Variants in SPAG16 observed in about 807,000 individuals in gnomAD.
The protein encoded by SPAG16 is sperm associated antigen 16.
Under a neutral mutation model 80.4 loss-of-function variants are expected in SPAG16, and 86 were observed. The observed-to-expected ratio is 1.07, with a 90% confidence interval of 0.90 to 1.28. The LOEUF (loss-of-function observed/expected upper bound fraction) is 1.28. Ranked by LOEUF, SPAG16 falls within the 50% of genes most tolerant of loss-of-function variation. The pLI is 0.00. For missense variants in SPAG16, 870 were observed against 765.3 expected (o/e 1.14, Z -1.61); for synonymous variants, 294 against 265.9 (o/e 1.11, Z -1.03).
chr2:213,437,120 C>T (rs1373158556), intron 9 of SPAG16, among the ~76,000 whole-genome samples: 5 of 152,088 alleles, frequency 3.3e-5, no homozygotes, highest in Admixed American at 1.3e-4. Flanking sequence ...ACCGTGGTCT[C>T]GATTTCCTGA....
chr2:213,710,386 A>G (rs2065931753), intron 10 of SPAG16, among the ~76,000 whole-genome samples: 1 of 152,156 alleles, frequency 6.6e-6, no homozygotes, highest in South Asian at 2.1e-4. Context: ...TTTAAAGTTC[A>G]TTTTATTATA....
At chr2:213,836,815 T>C (rs1030354264) in intron 10 of SPAG16, among the ~76,000 whole-genome samples, 1 of 152,108 alleles carries the variant, frequency 6.6e-6, no homozygotes, top group Non-Finnish European at 1.5e-5. Flanking sequence ...GGTTTTGCCA[T>C]GTTGGCCAGG....
At chr2:214,132,059 T>G (rs376202543) in intron 14 of SPAG16, among the ~76,000 whole-genome samples, 27 of 152,154 alleles carry the variant, frequency 1.8e-4, no homozygotes, top group Middle Eastern at 3.2e-3. Context: ...ATGAGAAATC[T>G]TCATACTTTC....
intron 10 of SPAG16, among the ~76,000 whole-genome samples, chr2:213,543,445 C>T (rs914884602): frequency 1.3e-5 from 2 of 151,822 alleles, no homozygotes; most frequent in Admixed American, 6.6e-5. Flanking sequence ...ACCCAATTTT[C>T]CTCTTGTGGA....
At chr2:213,793,957 C>T (rs1469314996) in intron 10 of SPAG16, among the ~76,000 whole-genome samples, 1 of 152,104 alleles carries the variant, frequency 6.6e-6, no homozygotes, top group East Asian at 1.9e-4. Flanking sequence ...TTTAAATAAC[C>T]AGTACATTTG....
At chr2:214,350,276 T>C (rs1168616476) in intron 15 of SPAG16, among the ~76,000 whole-genome samples, 2 of 152,246 alleles carry the variant, frequency 1.3e-5, no homozygotes, top group African/African-American at 4.8e-5. Flanking sequence ...ATTCTCTCTT[T>C]CCTCTCTTCT....
At chr2:214,006,054 A>G (rs148565569) in intron 12 of SPAG16, among the ~76,000 whole-genome samples, 2 of 152,320 alleles carry the variant, frequency 1.3e-5, no homozygotes, top group East Asian at 3.9e-4. Context: ...TCCAGCTCTT[A>G]CTAAGGGTTA....
At chr2:214,330,776 C>A (rs1000267009) in intron 15 of SPAG16, among the ~76,000 whole-genome samples, 1 of 152,146 alleles carries the variant, frequency 6.6e-6, no homozygotes, top group African/African-American at 2.4e-5. Flanking sequence ...CCAAAAGGAG[C>A]CAACACTTTC....
intron 12 of SPAG16, among the ~76,000 whole-genome samples, chr2:213,966,382 G>C (rs2044711795): frequency 6.6e-6 from 1 of 152,088 alleles, no homozygotes; most frequent in South Asian, 2.1e-4. Context: ...GAATTAAAGA[G>C]TTAAAAGTAT....
chr2:213,900,067 C>T (rs1343404924), intron 11 of SPAG16, among the ~76,000 whole-genome samples: 2 of 152,124 alleles, frequency 1.3e-5, no homozygotes, highest in African/African-American at 4.8e-5. Flanking sequence ...ACCTAGAATG[C>T]ATCAACAAAT....
At chr2:213,836,964 C>CTCTT (rs1238529516) in intron 10 of SPAG16, among the ~76,000 whole-genome samples, 2 of 151,994 alleles carry the variant, frequency 1.3e-5, no homozygotes, top group Non-Finnish European at 2.9e-5. Flanking sequence ...CTCTCTCTCT[C>CTCTT]TCATAAAAAT....
chr2:213,643,651 C>T (rs1247391307), intron 10 of SPAG16, among the ~76,000 whole-genome samples: 1 of 149,752 alleles, frequency 6.7e-6, no homozygotes, highest in Non-Finnish European at 1.5e-5. Flanking sequence ...CTTAGATTTG[C>T]CCTTTGGAGG....
rs367640830 is a variant in SPAG16 at position 213,386,902 on chromosome 2, A to C, written c.942+11783A>C. Reference sequence around the variant, plus strand: ...TGGAATATATTTTATCCTAAAGGAAATAAGAGCCATTATGCAATTAATTGG... The same window carrying C: ...TGGAATATATTTTATCCTAAAGGAACTAAGAGCCATTATGCAATTAATTGG... On this transcript the variant is annotated intron_variant, in intron 9 of 15. Transcript: ENST00000331683. Among the ~76,000 whole-genome samples the C allele has an allele frequency of 3.3e-5, 5 of 152,332 alleles. No homozygotes were observed. In the South Asian group the frequency reaches 1.0e-3, roughly 32 times the overall value.
rs189799643 is a variant in SPAG16, at chr2:213,852,923, C to T, written c.1071-9562C>T. Among the ~76,000 whole-genome samples the T allele has an allele frequency of 3.3e-5, 5 of 152,260 alleles. No homozygotes were observed. In the East Asian group the frequency reaches 5.8e-4, roughly 18 times the overall value. On this transcript the variant is annotated intron_variant, in intron 10 of 15. Coordinates refer to ENST00000331683, the MANE Select transcript of SPAG16 (RefSeq NM_024532.5). ...TTTATATAAATGCTAATGCACATCA[C>T]GATATAAGATGCAGTTACTAGCTAA...
chr2:213,590,640 T>G (rs1048645226), intron 10 of SPAG16, among the ~76,000 whole-genome samples: 1 of 152,004 alleles, frequency 6.6e-6, no homozygotes, highest in African/African-American at 2.4e-5. Flanking sequence ...TATTAAAAAG[T>G]CAGAAAATAA....
At chr2:213,735,336 G>C (rs544160032) in intron 10 of SPAG16, among the ~76,000 whole-genome samples, 2 of 152,206 alleles carry the variant, frequency 1.3e-5, no homozygotes, top group South Asian at 4.1e-4. Context: ...AAAAATAATA[G>C]CACCCGAATT....
At chr2:213,905,305 C>T (rs1421794951) in intron 11 of SPAG16, among the ~76,000 whole-genome samples, 2 of 152,040 alleles carry the variant, frequency 1.3e-5, no homozygotes, top group Non-Finnish European at 2.9e-5. Context: ...TAATATCTTC[C>T]AGCATAGTCA....
intron 11 of SPAG16, among the ~76,000 whole-genome samples, chr2:213,909,633 T>C (rs1441488521): frequency 6.6e-6 from 1 of 152,116 alleles, no homozygotes; most frequent in African/African-American, 2.4e-5. Flanking sequence ...GGGAAAGGAT[T>C]CCCTATTTAA....
chr2:213,513,437 C>T (rs947245346), intron 10 of SPAG16, among the ~76,000 whole-genome samples: 10 of 152,124 alleles, frequency 6.6e-5, no homozygotes, highest in African/African-American at 2.2e-4. Context: ...GTTTATTTCT[C>T]ATTCAAACCT....
Sources: allele counts gnomAD v4.1 joint callset (sites outside exome capture counted in the v4.1 genomes callset), GRCh38; gene constraint gnomAD v4.1.1; transcripts MANE v1.5; gene names NCBI Gene and HGNC (gene_info 2026-07-23, HGNC 2026-07-21).